The following LINGO2 variants were observed in gnomAD, a reference collection of about 807,000 sequenced individuals.
LINGO2 encodes leucine rich repeat and Ig domain containing 2, also known as leucine-rich repeat and immunoglobulin-like domain-containing nogo receptor-interacting protein 2.
Under a neutral mutation model 30.6 loss-of-function variants are expected in LINGO2, and 14 were observed. The observed-to-expected ratio is 0.46, with a 90% CI of 0.30 to 0.72. The LOEUF is 0.72. LINGO2 is among the 30% of genes least tolerant of loss of function. The pLI, the probability that LINGO2 is intolerant of heterozygous loss-of-function variation, is 0.07. For synonymous variants in LINGO2, 317 were observed against 288.5 expected (o/e 1.10, Z -1.00); for missense variants, 729 against 751.7 (o/e 0.97, Z 0.35).
the LINGO2 span, among the ~76,000 whole-genome samples, chr9:28,873,987 A>G: frequency 1.2e-4 from 19 of 152,174 alleles, no homozygotes; most frequent in Admixed American, 9.8e-4. Context: ...AACATTAACC[A>G]ATTAAGTAAA....
chr9:28,064,521 C>T (rs1563954113), intron 4 of LINGO2, among the ~76,000 whole-genome samples: 1 of 152,108 alleles, frequency 6.6e-6, no homozygotes, highest in South Asian at 2.1e-4. Flanking sequence ...TTGATAGCAA[C>T]GGGACTTTCT....
chr9:28,193,675 C>G lies in LINGO2; in HGVS notation c.-87+101533G>C, dbSNP rs368605998. On this transcript the variant is annotated intron_variant, in intron 4 of 5. Transcript: ENST00000379992. ...TTGCTGTATAAGTCACCTCCAAACT[C>G]GGTGGCTTACAACAGCAACAGTGGC... is the stretch of plus-strand genomic sequence containing the variant. Among the ~76,000 whole-genome samples the G allele has an allele frequency of 3.3e-5, 5 of 152,288 alleles. No individual in the cohort carries two copies. The East Asian group carries it at 9.7e-4, about 29-fold the overall frequency.
chr9:28,223,955 T>C (rs1821055078), intron 4 of LINGO2, among the ~76,000 whole-genome samples: 1 of 152,222 alleles, frequency 6.6e-6, no homozygotes, highest in Non-Finnish European at 1.5e-5. Context: ...GACAAGTAAT[T>C]ATATTGACTG....
the LINGO2 span, among the ~76,000 whole-genome samples, chr9:29,139,123 T>G: frequency 9.3e-4 from 142 of 152,242 alleles, no homozygotes; most frequent in African/African-American, 3.2e-3. Context: ...GAGCGTAGCC[T>G]CCAGCCAACA....
chr9:27,968,440 G>T (rs1303012133), intron 5 of LINGO2, among the ~76,000 whole-genome samples: 1 of 151,884 alleles, frequency 6.6e-6, no homozygotes, highest in East Asian at 1.9e-4. Context: ...AAGATATTAA[G>T]TGAAAAAATA....
intron 4 of LINGO2, among the ~76,000 whole-genome samples, chr9:28,083,452 C>T (rs1201203808): frequency 1.3e-5 from 2 of 152,146 alleles, no homozygotes; most frequent in Non-Finnish European, 2.9e-5. Flanking sequence ...GCTACTTCCT[C>T]CCCCAATAGG....
the LINGO2 span, among the ~76,000 whole-genome samples, chr9:28,900,821 T>G: frequency 1.3e-5 from 2 of 152,150 alleles, no homozygotes; most frequent in African/African-American, 4.8e-5. Context: ...CAGTAGTGGA[T>G]TCTAAAAGTG....
At chr9:28,344,097 A>G (rs1819470652) in intron 3 of LINGO2, among the ~76,000 whole-genome samples, 1 of 152,174 alleles carries the variant, frequency 6.6e-6, no homozygotes, top group Non-Finnish European at 1.5e-5. Flanking sequence ...AGTTTATGAT[A>G]AATTTAAACA....
At chr9:29,010,732 G>T in the LINGO2 span, among the ~76,000 whole-genome samples, 1 of 151,856 alleles carries the variant, frequency 6.6e-6, no homozygotes, top group South Asian at 2.1e-4. Context: ...TAAATATTTA[G>T]ATTTATTTGA....
At chr9:28,834,346 C>T in the LINGO2 span, among the ~76,000 whole-genome samples, 1 of 152,090 alleles carries the variant, frequency 6.6e-6, no homozygotes. Flanking sequence ...GACTCTGTTA[C>T]TATGGTAATT....
the LINGO2 span, among the ~76,000 whole-genome samples, chr9:28,732,992 C>A: frequency 6.6e-6 from 1 of 152,302 alleles, no homozygotes; most frequent in Admixed American, 6.5e-5. Context: ...GACCCATGAG[C>A]ACATAGCTCT....
At chr9:29,148,624 C>A in the LINGO2 span, among the ~76,000 whole-genome samples, 1 of 152,068 alleles carries the variant, frequency 6.6e-6, no homozygotes, top group Non-Finnish European at 1.5e-5. Context: ...CATTTCAATT[C>A]CAAGATGAAA....
intron 2 of LINGO2, among the ~76,000 whole-genome samples, chr9:28,415,741 G>A (rs758863231): frequency 5.3e-5 from 8 of 152,002 alleles, no homozygotes; most frequent in Non-Finnish European, 7.4e-5. Context: ...TTGTCCATCC[G>A]TACCTTTACA....
At chr9:28,334,687 G>A (rs1019502060) in intron 3 of LINGO2, among the ~76,000 whole-genome samples, 2 of 152,120 alleles carry the variant, frequency 1.3e-5, no homozygotes, top group African/African-American at 4.8e-5. Flanking sequence ...CCATGAAACA[G>A]TGGCAACATT....
chr9:28,224,328 T>C (rs1324965722), intron 4 of LINGO2, among the ~76,000 whole-genome samples: 1 of 152,204 alleles, frequency 6.6e-6, no homozygotes, highest in Non-Finnish European at 1.5e-5. Context: ...CCTCCCAAAG[T>C]GCCGGGATTA....
intron 4 of LINGO2, among the ~76,000 whole-genome samples, chr9:28,286,762 G>C (rs1823522831): frequency 6.6e-6 from 1 of 152,030 alleles, no homozygotes; most frequent in Non-Finnish European, 1.5e-5. Flanking sequence ...TAAATAATGA[G>C]AACAAATGGT....
chr9:28,834,685 C>A, the LINGO2 span, among the ~76,000 whole-genome samples: 1 of 152,132 alleles, frequency 6.6e-6, no homozygotes, highest in Admixed American at 6.6e-5. Context: ...ATTCTTCCTA[C>A]TCTGTACACT....
the LINGO2 span, among the ~76,000 whole-genome samples, chr9:29,199,418 T>C: frequency 6.6e-6 from 1 of 151,908 alleles, no homozygotes; most frequent in African/African-American, 2.4e-5. Context: ...AGAAAGAGAA[T>C]CCACCAAACC....
intron 4 of LINGO2, among the ~76,000 whole-genome samples, chr9:28,104,897 C>T (rs1451207830): frequency 2.0e-5 from 3 of 151,898 alleles, no homozygotes; most frequent in African/African-American, 7.3e-5. Context: ...ATCCGGCCCC[C>T]ACCGACCCAC....
Sources: allele counts gnomAD v4.1 joint callset (sites outside exome capture counted in the v4.1 genomes callset), GRCh38; gene constraint gnomAD v4.1.1; transcripts MANE v1.5; gene names NCBI Gene and HGNC (gene_info 2026-07-23, HGNC 2026-07-21).